Variants in PDE1A observed in about 807,000 individuals in gnomAD.
PDE1A encodes the protein dual specificity calcium/calmodulin-dependent 3',5'-cyclic nucleotide phosphodiesterase 1A.
Under a neutral mutation model 61.7 loss-of-function variants are expected in PDE1A, and 35 were observed. That is an observed-to-expected ratio of 0.57 (90% confidence interval 0.43 to 0.75). PDE1A has a LOEUF of 0.75. PDE1A is among the 30% of genes least tolerant of loss of function. The pLI, the probability that PDE1A is intolerant of heterozygous loss-of-function variation, is 0.00. For missense variants in PDE1A, 597 were observed against 630.6 expected, an observed-to-expected ratio of 0.95 and a Z score of 0.57; for synonymous variants, 232 against 213.2, an observed-to-expected ratio of 1.09 and a Z score of -0.77.
At chr2:182,473,040 C>T (rs1347221086) in intron 2 of PDE1A, among the ~76,000 whole-genome samples, 1 of 151,358 alleles carries the variant, frequency 6.6e-6, no homozygotes, top group East Asian at 2.0e-4. Context: ...TATACATGTG[C>T]CATGCTGGTG....
At chr2:182,156,245 T>C (rs184439426) in intron 13 of PDE1A, among the ~76,000 whole-genome samples, 22 of 152,252 alleles carry the variant, frequency 1.4e-4, no homozygotes, top group African/African-American at 4.8e-4. Context: ...TTAAGAACAA[T>C]ATTAGTAGCA....
the PDE1A span, among the ~76,000 whole-genome samples, chr2:182,595,084 G>A: frequency 2.6e-5 from 4 of 152,176 alleles, no homozygotes; most frequent in African/African-American, 9.6e-5. Flanking sequence ...GAAAAGAAAT[G>A]GACGATAAAG....
At chr2:182,567,350 A>G in the PDE1A span, among the ~76,000 whole-genome samples, 2 of 152,242 alleles carry the variant, frequency 1.3e-5, no homozygotes, top group East Asian at 3.8e-4. Context: ...CAGAAAGGGA[A>G]GAAGATTTTA....
At chr2:182,259,636 G>C (rs150803500) in intron 2 of PDE1A, among the ~76,000 whole-genome samples, 3 of 152,302 alleles carry the variant, frequency 2.0e-5, no homozygotes, top group South Asian at 2.1e-4. Context: ...AGAGAATCCA[G>C]ACTTTGAACA....
chr2:182,656,067 A>G, the PDE1A span, among the ~76,000 whole-genome samples: 8 of 152,194 alleles, frequency 5.3e-5, no homozygotes, highest in Admixed American at 5.2e-4. Flanking sequence ...CCAGACAATT[A>G]TACAGTCATT....
chr2:182,322,302 C>T (rs1696744826), intron 1 of PDE1A, among the ~76,000 whole-genome samples: 3 of 152,144 alleles, frequency 2.0e-5, no homozygotes, highest in Admixed American at 2.0e-4. Context: ...TTTGTCCCTA[C>T]CCAAATCTCA....
chr2:182,627,580 T>G, the PDE1A span, among the ~76,000 whole-genome samples: 1 of 151,208 alleles, frequency 6.6e-6, no homozygotes, highest in Non-Finnish European at 1.5e-5. Context: ...CACATGATAT[T>G]TTAATTATGT....
chr2:182,713,977 T>C, the PDE1A span, among the ~76,000 whole-genome samples: 4 of 152,334 alleles, frequency 2.6e-5, no homozygotes, highest in Middle Eastern at 3.4e-3. Context: ...AACCTCCTAA[T>C]TGCCAGACCT....
chr2:182,257,201 C>T (rs1456034678), intron 2 of PDE1A, among the ~76,000 whole-genome samples: 6 of 152,168 alleles, frequency 3.9e-5, no homozygotes, highest in Non-Finnish European at 8.8e-5. Context: ...TAACTACCTG[C>T]CTGTCTTTAA....
At chr2:182,560,060 G>A in the PDE1A span, among the ~76,000 whole-genome samples, 1 of 138,204 alleles carries the variant, frequency 7.2e-6, no homozygotes, top group African/African-American at 2.5e-5. Flanking sequence ...AAGAGATAGG[G>A]ATTCTTTTTT....
intron 1 of PDE1A, among the ~76,000 whole-genome samples, chr2:182,296,733 T>C (rs1348046131): frequency 6.6e-6 from 1 of 152,202 alleles, no homozygotes; most frequent in Non-Finnish European, 1.5e-5. Flanking sequence ...TAAAACATTA[T>C]TTCTGGGTGT....
intron 1 of PDE1A, among the ~76,000 whole-genome samples, chr2:182,323,495 A>G (rs833181): frequency 0.64 from 97,252 of 152,036 alleles, 32,696 homozygotes; most frequent in Middle Eastern, 0.76. Context: ...GAGACAGACA[A>G]GAAAAAAATG....
At chr2:182,640,737 A>G in the PDE1A span, among the ~76,000 whole-genome samples, 2 of 152,090 alleles carry the variant, frequency 1.3e-5, no homozygotes. Context: ...GAAAATATGC[A>G]GGCCGGGTGC....
chr2:182,455,086 T>A (rs1305780773), intron 2 of PDE1A, among the ~76,000 whole-genome samples: 1 of 151,564 alleles, frequency 6.6e-6, no homozygotes, highest in African/African-American at 2.4e-5. Context: ...CCCATCAAAA[T>A]GTGGGCAAAG....
chr2:182,519,664 C>T (rs1042670121), intron 2 of PDE1A, among the ~76,000 whole-genome samples: 1 of 151,816 alleles, frequency 6.6e-6, no homozygotes, highest in African/African-American at 2.4e-5. Flanking sequence ...ATGTTTTCCA[C>T]GTGTTCCAAA....
chr2:182,298,433 T>G (rs759927325), intron 1 of PDE1A, among the ~76,000 whole-genome samples: 28 of 152,056 alleles, frequency 1.8e-4, no homozygotes, highest in Non-Finnish European at 3.5e-4. Context: ...AACCAGTAAG[T>G]CCTATATGGT....
downstream of PDE1A, among the ~76,000 whole-genome samples, chr2:182,143,219 A>G (rs1386508206): frequency 6.6e-6 from 1 of 152,184 alleles, no homozygotes; most frequent in Non-Finnish European, 1.5e-5. Flanking sequence ...AACTGCTGCT[A>G]AGAGAGATTT....
the PDE1A span, among the ~76,000 whole-genome samples, chr2:182,601,504 T>C: frequency 1.3e-5 from 2 of 152,252 alleles, no homozygotes; most frequent in Non-Finnish European, 2.9e-5. Flanking sequence ...CTGTCCTGTG[T>C]CTGTTACAGA....
chr2:182,657,006 C>T, the PDE1A span, among the ~76,000 whole-genome samples: 1 of 152,132 alleles, frequency 6.6e-6, no homozygotes, highest in African/African-American at 2.4e-5. Context: ...GGGCAGATCA[C>T]AAGGTCAAGA....
Sources: gnomAD v4.1 joint callset for allele counts (sites outside exome capture counted in the v4.1 genomes callset) on GRCh38, gnomAD v4.1.1 for gene constraint, MANE v1.5 for transcripts, NCBI Gene and HGNC (gene_info 2026-07-23, HGNC 2026-07-21) for gene names.